Variants in CPLANE1 observed in about 807,000 individuals in gnomAD.
CPLANE1 encodes the protein ciliogenesis and planar polarity effector complex subunit 1.
Under a neutral mutation model 362.5 loss-of-function variants are expected in CPLANE1, and 263 were observed. That is an observed-to-expected ratio of 0.73 (90% CI 0.66 to 0.80). CPLANE1 has a LOEUF of 0.80. Ranked by LOEUF, CPLANE1 falls within the 30% of genes least tolerant of loss-of-function variation. The pLI is 0.00. For synonymous variants in CPLANE1, 1,212 were observed against 1,302.6 expected (o/e 0.93, Z 1.50); for missense variants, 3,461 against 3,793.4 (o/e 0.91, Z 2.30).
At position 37,183,532 on chromosome 5, in the gene CPLANE1, T is replaced by C; in HGVS notation, c.4649A>G (p.Tyr1550Cys). The stretch of plus-strand genomic sequence containing the variant: ...CAAAAACAGATCAAGGAATTTAATA[T>C]ATTCATCATCATCACGTTCAAATTC... ...VWEFERDDDE[Y>C]IKFLDLFLSY... The change falls in exon 26 of 53, where the codon TAT (tyrosine) becomes TGT (cysteine). Residue 1550 changes from tyrosine to cysteine, a missense_variant. This residue lies in a region of CPLANE1 where 3,380 missense variants were observed against 3,666.1 expected (regional missense o/e 0.92). Transcript: ENST00000651892. The C allele has an allele frequency of 6.2e-7, 1 of 1,613,646 alleles. No individual in the cohort carries two copies. The highest frequency in any genetic ancestry group is 1.1e-5 in the South Asian group (1 of 91,036).
intron 16 of CPLANE1, among the ~76,000 whole-genome samples, chr5:37,208,686 C>A (rs1441052755): frequency 8.0e-6 from 1 of 124,778 alleles, no homozygotes; most frequent in Admixed American, 7.9e-5. Flanking sequence ...CCCCCCCCCC[C>A]CAAAAAAAAA....
chr5:37,106,737 G>T lies in CPLANE1; in HGVS notation c.*865C>A. The T allele has an allele frequency of 1.5e-6, 1 of 646,014 alleles. No individual in the cohort carries two copies. Among genetic ancestry groups the T allele is most frequent in the South Asian group, 6.9e-5 (1 of 14,408 alleles). The allele number at this position is 646,014 out of a possible 1,614,324, so 40.0% of individuals were successfully genotyped here. On this transcript the variant is annotated 3_prime_UTR_variant, in exon 53 of 53. Coordinates refer to ENST00000651892, the MANE Select transcript of CPLANE1 (RefSeq NM_001384732.1). Reference sequence around the variant, plus strand: ...ATGTTGTAAAACCTGGCTTCACACAGGTAGATATTTGGAAAAAGAGGGGTA... The same window carrying T: ...ATGTTGTAAAACCTGGCTTCACACATGTAGATATTTGGAAAAAGAGGGGTA...
rs555768951 is a variant in CPLANE1, at chr5:37,180,894, T to C, written c.5533A>G (p.Arg1845Gly). ...AVATPGGTEE[R>G]NGQNKSCQNI... ...TGACAAGATTTATTCTGACCATTTCTTTCCTCAGTTCCACCTGGAGTTGCT... is the reference window on the plus strand; with the variant it reads ...TGACAAGATTTATTCTGACCATTTCCTTCCTCAGTTCCACCTGGAGTTGCT... The change falls in exon 27 of 53, where the codon AGA (arginine) becomes GGA (glycine). Residue 1845 changes from arginine (R) to glycine (G), a missense_variant. Physicochemically the swap from Arg to Gly is moderately radical, Grantham distance 125 (BLOSUM62 -2). Around this residue, in one of 2 missense-constraint regions of CPLANE1, gnomAD observed 3,380 missense variants for 3,666.1 expected, o/e 0.92. Coordinates refer to ENST00000651892, the MANE Select transcript of CPLANE1 (RefSeq NM_001384732.1). 1 of 1,614,164 alleles carries C rather than the reference T, an allele frequency of 6.2e-7. No homozygotes were observed. Among genetic ancestry groups the C allele is most frequent in the East Asian group, 2.2e-5 (1 of 44,876 alleles).
chr5:37,085,163 C>G, the CPLANE1 span: 1 of 791,436 alleles, frequency 1.3e-6, no homozygotes. Context: ...CCAGTCCTCA[C>G]AAGTTGAGAG....
chr5:37,201,060 G>A (rs558439518), intron 19 of CPLANE1, among the ~76,000 whole-genome samples: 2 of 152,276 alleles, frequency 1.3e-5, no homozygotes, highest in South Asian at 2.1e-4. Flanking sequence ...CTTGACTCAA[G>A]CAATCTTCCC....
At position 37,138,825 on chromosome 5, in the gene CPLANE1, A is replaced by G. The variant is rs752346313; in HGVS notation, c.8687T>C (p.Met2896Thr). Residue 2896 changes from methionine to threonine, a missense_variant, in exon 46 of 53, where the codon ATG (methionine) becomes ACG (threonine). Physicochemically the swap from Met to Thr is moderately conservative, Grantham distance 81. Coordinates refer to ENST00000651892, the MANE Select transcript of CPLANE1 (RefSeq NM_001384732.1). ...GTCTGCAATATCAGTCAATCCAGTC[A>G]TCTGGAGCGGATGTACTGAAACACT... is the stretch of plus-strand genomic sequence containing the variant. ...CESVSVHPLQMTGLTDIADII... is the reference protein window; with the variant it reads ...CESVSVHPLQTTGLTDIADII... The G allele has an allele frequency of 1.9e-6, 3 of 1,611,042 alleles. No individual in the cohort carries two copies. Among genetic ancestry groups the G allele is most frequent in the East Asian group, 2.2e-5 (1 of 44,764 alleles).
rs1157940387 is a variant in CPLANE1 at position 37,184,992 on chromosome 5, A to G, written c.4277T>C (p.Ile1426Thr). The G allele has an allele frequency of 4.3e-6, 7 of 1,614,096 alleles. No individual in the cohort carries two copies. Among genetic ancestry groups the G allele is most frequent in the East Asian group, 2.2e-5 (1 of 44,872 alleles). ...VKALKRVQRN[I>T]GSFEVNIWEP... The stretch of plus-strand genomic sequence containing the variant: ...CCATATATTCACTTCAAAAGAGCCT[A>G]TATTTCTCTGCACACGTTTTAGAGC... The change falls in exon 25 of 53, where the codon ATA becomes ACA. Residue 1426 changes from isoleucine (I) to threonine (T), a missense_variant. Coordinates refer to ENST00000651892, the MANE Select transcript of CPLANE1 (RefSeq NM_001384732.1).
intron 38 of CPLANE1, among the ~76,000 whole-genome samples, chr5:37,159,049 G>A (rs1352536836): frequency 6.9e-6 from 1 of 144,716 alleles, no homozygotes; most frequent in Non-Finnish European, 1.5e-5. Flanking sequence ...CTCCCAAAGT[G>A]CTGGGATTAC....
In CPLANE1 at chr5:37,186,340, A is replaced by G; in HGVS notation, c.4135T>C (p.Leu1379=). The change falls in exon 24 of 53, where the codon TTA becomes CTA. Residue 1379 remains leucine, a synonymous_variant. Transcript: ENST00000651892. The part of the protein sequence containing the change: ...FPYPEDVRVP[L]RDKYHSLHQR... ...TGAAGAGAGTGATATTTGTCTCTTA[A>G]AGGAACCCTCACGTCCTCAGGATAG... 1 of 1,608,126 alleles carries G rather than the reference A, an allele frequency of 6.2e-7. No individual in the cohort carries two copies. Among genetic ancestry groups the G allele is most frequent in the Non-Finnish European group, 8.5e-7 (1 of 1,174,732 alleles).
the CPLANE1 span, among the ~76,000 whole-genome samples, chr5:37,099,960 G>GT: frequency 4.0e-5 from 6 of 151,704 alleles, no homozygotes; most frequent in South Asian, 4.2e-4. Context: ...TTTTAATGGG[G>GT]TTTTTTTTCT....
chr5:37,205,408 G>A lies in CPLANE1; in HGVS notation c.3196C>T (p.Gln1066Ter). ...LNLPLRMTPA[Q>*]IFQEKLQCVL... The stretch of plus-strand genomic sequence containing the variant: ...CACTGCAGTTTTTCCTGAAAAATCT[G>A]TGCTGGAGTCATACGGAGTGGTAGA... Residue 1066 changes from glutamine (Q) to a stop codon, truncating the protein, a stop_gained, in exon 18 of 53, where the codon CAG becomes TAG. Coordinates refer to ENST00000651892, the MANE Select transcript of CPLANE1 (RefSeq NM_001384732.1). LOFTEE classifies it high-confidence loss of function. 6.5e-7 allele frequency: 1 copy of A among 1,550,132 alleles called. No homozygotes were observed. Among genetic ancestry groups the A allele is most frequent in the Non-Finnish European group, 8.7e-7 (1 of 1,146,110 alleles).
chr5:37,177,018 A>C (rs980466022), intron 30 of CPLANE1, among the ~76,000 whole-genome samples: 4 of 152,224 alleles, frequency 2.6e-5, no homozygotes, highest in African/African-American at 9.6e-5. Context: ...TCGGCCTCCT[A>C]GAGTGCTGGG....
intron 50 of CPLANE1, among the ~76,000 whole-genome samples, chr5:37,119,785 A>G (rs1762115067): frequency 6.6e-6 from 1 of 152,096 alleles, no homozygotes; most frequent in Non-Finnish European, 1.5e-5. Flanking sequence ...GGAGATCAAG[A>G]CCATCCTGGC....
intron 16 of CPLANE1, chr5:37,210,126 G>A (rs1198102987): frequency 3.2e-6 from 3 of 923,948 alleles, no homozygotes; most frequent in Non-Finnish European, 5.3e-6. Flanking sequence ...AGCTTGTCAA[G>A]CAAAATCTGA....
rs143084362 is a variant in CPLANE1 at position 37,183,462 on chromosome 5, G to A, written c.4719C>T (p.Asp1573=). 945 of 1,613,334 alleles carry A rather than the reference G, an allele frequency of 5.9e-4. 6 individuals carry two copies. The African/African-American group carries it at 0.012, about 20-fold the overall frequency. The change falls in exon 26 of 53, where the codon GAC becomes GAT. Residue 1573 remains aspartate, a synonymous_variant. Transcript: ENST00000651892. ...CAGAAAAACTAGTTAGAAATGGAATGTCAGCATCCCTGGAATAAGGTAGGT... is the reference window on the plus strand; with the variant it reads ...CAGAAAAACTAGTTAGAAATGGAATATCAGCATCCCTGGAATAAGGTAGGT... The part of the protein sequence containing the change: ...ERDLPYSRDA[D]IPFLTSFSGK...
intron 23 of CPLANE1, among the ~76,000 whole-genome samples, chr5:37,187,060 C>CAAAAAAAAAAAAAAA (rs61112118): frequency 2.6e-4 from 13 of 50,404 alleles, no homozygotes; most frequent in African/African-American, 1.0e-3. Flanking sequence ...GACTCCGTCT[C>CAAAAAAAAAAAAAAA]AAAAAAAAAA....
intron 20 of CPLANE1, among the ~76,000 whole-genome samples, chr5:37,198,188 G>C (rs796077100): frequency 6.6e-6 from 1 of 152,136 alleles, no homozygotes; most frequent in African/African-American, 2.4e-5. Flanking sequence ...AGAATGAAGC[G>C]ACAGCTCAGC....
intron 8 of CPLANE1, among the ~76,000 whole-genome samples, chr5:37,232,521 G>GA (rs36033877): frequency 2.3e-3 from 271 of 119,524 alleles, no homozygotes; most frequent in Middle Eastern, 4.5e-3. Flanking sequence ...CATCTTGGGG[G>GA]AAAAAAAAAA....
intron 8 of CPLANE1, among the ~76,000 whole-genome samples, chr5:37,232,384 G>C (rs1219633453): frequency 2.0e-5 from 3 of 152,010 alleles, no homozygotes; most frequent in African/African-American, 7.3e-5. Context: ...CAGGCATGGT[G>C]GTGGGCACCT....
Sources: gnomAD v4.1 joint callset for allele counts (sites outside exome capture counted in the v4.1 genomes callset) on GRCh38, gnomAD v4.1.1 for gene constraint, gnomAD v4.1.1 regional missense constraint, MANE v1.5 for transcripts, NCBI Gene and HGNC (gene_info 2026-07-23, HGNC 2026-07-21) for gene names.